SLC37A1: variants seen among roughly 807,000 people sequenced by gnomAD.
SLC37A1 encodes the protein solute carrier family 37 member 1.
In SLC37A1, 49 loss-of-function variants were observed where a neutral mutation model predicts 75.3. The observed-to-expected ratio is 0.65, with a 90% CI of 0.52 to 0.83. The LOEUF (loss-of-function observed/expected upper bound fraction) is 0.83. Among genes scored for constraint, SLC37A1 ranks in the 40% least tolerant of loss-of-function variants. SLC37A1 has a pLI of 0.00. For missense variants in SLC37A1, 566 were observed against 695.0 expected, an observed-to-expected ratio of 0.81 and a Z score of 2.09; for synonymous variants, 268 against 292.1, an observed-to-expected ratio of 0.92 and a Z score of 0.84.
In SLC37A1 at chr21:42,552,407, G is replaced by C. The variant is rs549967400; in HGVS notation, c.769-1655G>C. Among the ~76,000 whole-genome samples the C allele has an allele frequency of 2.6e-5, 4 of 152,240 alleles. No individual in the cohort carries two copies. The highest frequency in any genetic ancestry group is 5.9e-5 in the Non-Finnish European group (4 of 68,040). On this transcript the variant is annotated intron_variant, in intron 9 of 19. Coordinates refer to ENST00000352133, the MANE Select transcript of SLC37A1 (RefSeq NM_001320537.2). The surrounding 1 kb of genome is among the most constrained non-coding windows in gnomAD (Gnocchi z 4.2). ...CTTCTATTCAAGAAATCTGGAGAGA[G>C]CCAGCCCAGGATGATGTGGGGTGTG...
chr21:42,510,462 C>A (rs2054422946), upstream of SLC37A1, among the ~76,000 whole-genome samples: 1 of 152,024 alleles, frequency 6.6e-6, no homozygotes, highest in South Asian at 2.1e-4. Context: ...AAGGGAGTAA[C>A]AAAGCAACAA....
intron 2 of SLC37A1, among the ~76,000 whole-genome samples, chr21:42,505,150 C>T (rs958802028): frequency 6.6e-5 from 10 of 152,178 alleles, no homozygotes; most frequent in Non-Finnish European, 1.0e-4. Context: ...CATCTAATCA[C>T]GTTGTTCTTC....
In SLC37A1 at chr21:42,526,172, T is replaced by C. The variant is rs1601678464; in HGVS notation, c.138+315T>C. The stretch of plus-strand genomic sequence containing the variant: ...TCCAAATGTATCCAGTCTTAAGTGG[T>C]TCCCCAAATTCCAGCTCTTCGTGCG... On this transcript the variant is annotated intron_variant, in intron 3 of 19. Transcript: ENST00000352133. 3 of 220,668 alleles carry C rather than the reference T, an allele frequency of 1.4e-5. No individual in the cohort carries two copies. In the East Asian group the frequency reaches 3.3e-4, roughly 24 times the overall value. The allele number at this position is 220,668 out of a possible 1,614,324, so 13.7% of individuals were successfully genotyped here. A position where few individuals can be genotyped will look rare whatever the true frequency, so the allele number is the denominator to read the frequency against.
At chr21:42,563,107 G>A (rs555857695) in intron 12 of SLC37A1, among the ~76,000 whole-genome samples, 13 of 152,114 alleles carry the variant, frequency 8.5e-5, no homozygotes, top group Admixed American at 6.5e-4. Flanking sequence ...GCAGCAAGGA[G>A]CACCCTTGGA....
intron 3 of SLC37A1, 38 bp from the exon 4 acceptor site, chr21:42,534,660 C>T: frequency 1.3e-6 from 2 of 1,593,700 alleles, no homozygotes; most frequent in Non-Finnish European, 1.7e-6. Flanking sequence ...ACTGAGGGCA[C>T]TTCCTCTCCC....
At chr21:42,577,111 T>C (rs945164299) in intron 18 of SLC37A1, among the ~76,000 whole-genome samples, 1 of 152,208 alleles carries the variant, frequency 6.6e-6, no homozygotes, top group African/African-American at 2.4e-5. Context: ...GTGAAAACAT[T>C]TTTAACCAAA....
chr21:42,527,464 C>T (rs1482255973), intron 3 of SLC37A1, among the ~76,000 whole-genome samples: 2 of 152,116 alleles, frequency 1.3e-5, no homozygotes, highest in African/African-American at 4.8e-5. Flanking sequence ...GAGGAGGCGG[C>T]GTCAGGGTCA....
Position 42,538,617 on chromosome 21 carries a change from CT to C in SLC37A1, c.351-891del, listed in dbSNP as rs200006784. Among the ~76,000 whole-genome samples the C allele has an allele frequency of 5.9e-3, 892 of 152,318 alleles. 5 individuals carry two copies. The highest frequency in any genetic ancestry group is 0.02 in the African/African-American group (825 of 41,568). ...CACGTCCATCCGTGATACTCTACAG[CT>C]TTTCTGTTTACTTAATAAGTCACAA... On this transcript the variant is annotated intron_variant, in intron 5 of 19. Transcript: ENST00000352133.
chr21:42,552,705 C>T lies in SLC37A1; in HGVS notation c.769-1357C>T, dbSNP rs2055587660. 1.3e-5 allele frequency among the ~76,000 whole-genome samples: 2 copies of T among 152,224 alleles called. No individual in the cohort carries two copies. The highest frequency in any genetic ancestry group is 2.9e-5 in the Non-Finnish European group (2 of 68,038). On this transcript the variant is annotated intron_variant, in intron 9 of 19. Coordinates refer to ENST00000352133, the MANE Select transcript of SLC37A1 (RefSeq NM_001320537.2). This position sits in a 1 kb window ranked among gnomAD's most constrained non-coding sequence, Gnocchi z 4.2. ...CAGGAGACTTCCTAGCATTTCCTAA[C>T]ATCATTTCTGCTTAGCTGACCACAT...
At chr21:42,525,975 C>A (rs1003637983) in intron 3 of SLC37A1, 118 bp downstream of exon 3, 1 of 657,804 alleles carries the variant, frequency 1.5e-6, no homozygotes, top group Non-Finnish European at 2.6e-6. Flanking sequence ...TATGTAGAAA[C>A]AAGTTATTCT....
In SLC37A1 at chr21:42,513,860, G is replaced by T; in HGVS notation, c.-1036G>T. The T allele has an allele frequency of 6.8e-6, 1 of 146,520 alleles. No individual in the cohort carries two copies. Among genetic ancestry groups the T allele is most frequent in the South Asian group, 1.9e-4 (1 of 5,190 alleles). The allele number at this position is 146,520 out of a possible 1,614,324, so 9.1% of individuals were successfully genotyped here. ...CCCGCGCGCCGCTCCAGGAAGTCGC[G>T]AGCAGGAAGCGCCCGCGGCGGCCGG... On this transcript the variant is annotated 5_prime_UTR_variant, in exon 1 of 20. Coordinates refer to ENST00000352133, the MANE Select transcript of SLC37A1 (RefSeq NM_001320537.2).
chr21:42,521,271 C>A (rs1228601247), intron 2 of SLC37A1, among the ~76,000 whole-genome samples: 1 of 152,200 alleles, frequency 6.6e-6, no homozygotes, highest in Non-Finnish European at 1.5e-5. Context: ...CCCTCCTGCA[C>A]CTTCTGACGG....
chr21:42,543,678 G>T (rs940568712), intron 8 of SLC37A1, 76 bp downstream of exon 8: 9 of 1,453,010 alleles, frequency 6.2e-6, no homozygotes, highest in Non-Finnish European at 8.4e-6. Context: ...CCTTGGGGGC[G>T]AGTGTGAGAG....
chr21:42,544,798 G>A (rs575615066), intron 8 of SLC37A1, among the ~76,000 whole-genome samples: 2 of 152,334 alleles, frequency 1.3e-5, no homozygotes, highest in African/African-American at 4.8e-5. Context: ...CTTCCGCTCT[G>A]GTTCCTAGAA....
chr21:42,533,706 A>T (rs551250889), intron 3 of SLC37A1, among the ~76,000 whole-genome samples: 1 of 152,052 alleles, frequency 6.6e-6, no homozygotes, highest in African/African-American at 2.4e-5. Flanking sequence ...GTGTCATCCT[A>T]AGCTCTGTGC....
At chr21:42,553,306 C>A (rs761396923) in intron 9 of SLC37A1, among the ~76,000 whole-genome samples, 2 of 152,210 alleles carry the variant, frequency 1.3e-5, no homozygotes, top group Non-Finnish European at 2.9e-5. Flanking sequence ...GAGTGAATAA[C>A]ATCTTTCTAA....
intron 3 of SLC37A1, among the ~76,000 whole-genome samples, chr21:42,528,469 G>A (rs2061780342): frequency 6.6e-6 from 1 of 152,200 alleles, no homozygotes; most frequent in Admixed American, 6.5e-5. Context: ...CTGGAGCCAG[G>A]GGGATGGCAG....
chr21:42,579,163 C>T lies in SLC37A1; in HGVS notation c.1522-573C>T, dbSNP rs1314842405. On this transcript the variant is annotated intron_variant, in intron 18 of 19. Transcript: ENST00000352133. ...TAAAGCTCTGGGTCCGGCGAGGAGC[C>T]AAGGCTGAGGCAGTGATGTTGGTGG... Among the ~76,000 whole-genome samples the T allele has an allele frequency of 2.0e-5, 3 of 152,214 alleles. No homozygotes were observed. The East Asian group carries it at 5.8e-4, about 29-fold the overall frequency.
chr21:42,561,919 C>G (rs192748241), intron 11 of SLC37A1, 159 bp from the exon 12 acceptor site: 5 of 646,370 alleles, frequency 7.7e-6, no homozygotes, highest in Non-Finnish European at 1.4e-5. Flanking sequence ...CACCACACAG[C>G]GGTGCAGCAC....
Sources: allele counts gnomAD v4.1 joint callset (sites outside exome capture counted in the v4.1 genomes callset), GRCh38; gene constraint gnomAD v4.1.1; non-coding constraint Gnocchi (gnomAD v3.1); transcripts MANE v1.5; gene names NCBI Gene and HGNC (gene_info 2026-07-23, HGNC 2026-07-21).